The following TRPM6 variants were observed in gnomAD, a reference collection of about 807,000 sequenced individuals.
TRPM6 encodes transient receptor potential cation channel subfamily M member 6.
In TRPM6, 111 loss-of-function variants were observed where a neutral mutation model predicts 247.6. That is an observed-to-expected ratio of 0.45 (90% CI 0.38 to 0.52). TRPM6 has a LOEUF of 0.52. TRPM6 is among the 20% of genes least tolerant of loss of function. TRPM6 has a pLI of 0.00. For missense variants in TRPM6, 2,126 were observed against 2,421.5 expected, an observed-to-expected ratio of 0.88 and a Z score of 2.56; for synonymous variants, 892 against 853.8, an observed-to-expected ratio of 1.04 and a Z score of -0.78.
At chr9:74,785,424 T>G (rs1207876233) in intron 21 of TRPM6, among the ~76,000 whole-genome samples, 1 of 152,198 alleles carries the variant, frequency 6.6e-6, no homozygotes, top group Non-Finnish European at 1.5e-5. Flanking sequence ...AATACCCCAT[T>G]TACCCTGATG....
At chr9:74,724,838 CAG>C in intron 38 of TRPM6, 92 bp from the exon 39 acceptor site, 1 of 1,502,838 alleles carries the variant, frequency 6.7e-7, no homozygotes, top group Non-Finnish European at 9.2e-7. Flanking sequence ...GCCAAGTGTT[CAG>C]AGAGATCTCC....
At chr9:74,864,857 A>G (rs983714111) in intron 1 of TRPM6, among the ~76,000 whole-genome samples, 2 of 152,090 alleles carry the variant, frequency 1.3e-5, no homozygotes, top group African/African-American at 4.8e-5. Context: ...GGATCACCTG[A>G]GGTCAGGAGT....
intron 25 of TRPM6, among the ~76,000 whole-genome samples, chr9:74,765,045 G>A (rs1341129435): frequency 6.6e-6 from 1 of 152,064 alleles, no homozygotes; most frequent in African/African-American, 2.4e-5. Flanking sequence ...ACAACTCAGT[G>A]GTAGCAAGGA....
intron 7 of TRPM6, 197 bp downstream of exon 7, chr9:74,827,581 T>C: frequency 1.4e-6 from 1 of 692,448 alleles, no homozygotes; most frequent in East Asian, 2.7e-5. Flanking sequence ...TAGTGGATCC[T>C]CGAAGTGTCA....
intron 13 of TRPM6, among the ~76,000 whole-genome samples, chr9:74,809,782 C>A (rs1346717594): frequency 6.6e-6 from 1 of 151,912 alleles, no homozygotes; most frequent in Admixed American, 6.6e-5. Context: ...AGTTCGAGAC[C>A]AGCCTGGCCA....
intron 17 of TRPM6, chr9:74,799,810 C>G (rs1828247016): frequency 5.2e-6 from 1 of 192,406 alleles, no homozygotes; most frequent in East Asian, 1.3e-4. Context: ...CAAAAGGAAA[C>G]TGTGGCCATG....
intron 11 of TRPM6, among the ~76,000 whole-genome samples, chr9:74,814,426 C>T (rs1343587287): frequency 6.6e-6 from 1 of 151,958 alleles, no homozygotes; most frequent in East Asian, 1.9e-4. Context: ...TTTAATTGTA[C>T]ATTTTAAAAT....
At chr9:74,741,688 G>A (rs1825869379) in intron 33 of TRPM6, among the ~76,000 whole-genome samples, 1 of 151,892 alleles carries the variant, frequency 6.6e-6, no homozygotes, top group Non-Finnish European at 1.5e-5. Flanking sequence ...TTAGGAGTTT[G>A]AGACCAGCCT....
Position 74,802,175 on chromosome 9 carries a change from C to T in TRPM6, c.1732G>A (p.Glu578Lys). 1.2e-6 allele frequency: 2 copies of T among 1,613,484 alleles called. No individual in the cohort carries two copies. Among genetic ancestry groups the T allele is most frequent in the Non-Finnish European group, 1.7e-6 (2 of 1,179,598 alleles). The stretch of plus-strand genomic sequence containing the variant: ...GATTTATGAAGGACTATAGACTTTT[C>T]CTGTTGGAAAATAAAATAGGAATGA... ...IRTAQPYKFK[E>K]KSIVLHKSRK... is the part of the protein sequence containing the mutation. Residue 578 changes from glutamate to lysine, a missense_variant and splice_region_variant, in exon 16 of 39, where the codon GAA (glutamate) becomes AAA (lysine). Coordinates refer to ENST00000360774, the MANE Select transcript of TRPM6 (RefSeq NM_017662.5).
chr9:74,793,814 A>G (rs1442643677), intron 18 of TRPM6, among the ~76,000 whole-genome samples: 2 of 151,940 alleles, frequency 1.3e-5, no homozygotes, highest in African/African-American at 4.9e-5. Context: ...TGTGTTGTAC[A>G]TGCATTTTTC....
At chr9:74,788,945 A>G (rs1490661838) in intron 19 of TRPM6, among the ~76,000 whole-genome samples, 3 of 152,216 alleles carry the variant, frequency 2.0e-5, no homozygotes. Context: ...ATTTAGAGGC[A>G]GGAATGAAAT....
chr9:74,858,192 T>C (rs113529305), intron 2 of TRPM6, among the ~76,000 whole-genome samples: 1 of 152,124 alleles, frequency 6.6e-6, no homozygotes, highest in African/African-American at 2.4e-5. Context: ...ATTGAGACCA[T>C]CCTGGCTAAC....
At chr9:74,853,880 A>T (rs1221460717) in intron 3 of TRPM6, among the ~76,000 whole-genome samples, 2 of 152,244 alleles carry the variant, frequency 1.3e-5, no homozygotes, top group African/African-American at 4.8e-5. Flanking sequence ...AAAATAAAAT[A>T]AAATAAATGC....
chr9:74,812,562 T>TA, intron 11 of TRPM6, 129 bp from the exon 12 acceptor site: 1 of 873,370 alleles, frequency 1.1e-6, no homozygotes, highest in South Asian at 1.6e-5. Context: ...CATCAGTGGG[T>TA]ACAGAAAAAA....
chr9:74,855,418 A>G, intron 3 of TRPM6, 109 bp downstream of exon 3: 3 of 827,596 alleles, frequency 3.6e-6, no homozygotes, highest in Non-Finnish European at 4.3e-6. Flanking sequence ...GGAAAGGTAA[A>G]TGGCATGCAC....
At chr9:74,805,887 A>G (rs1403980328) in intron 14 of TRPM6, among the ~76,000 whole-genome samples, 2 of 152,224 alleles carry the variant, frequency 1.3e-5, no homozygotes. Context: ...AGACCAGTTC[A>G]GAAAAGCTGG....
chr9:74,740,915 T>C (rs1825844262), intron 33 of TRPM6, among the ~76,000 whole-genome samples: 1 of 152,196 alleles, frequency 6.6e-6, no homozygotes, highest in South Asian at 2.1e-4. Context: ...ATGCATGGTT[T>C]AACTCAGCTG....
At chr9:74,880,266 A>G (rs1831321665) in intron 1 of TRPM6, among the ~76,000 whole-genome samples, 1 of 152,180 alleles carries the variant, frequency 6.6e-6, no homozygotes, top group South Asian at 2.1e-4. Flanking sequence ...AACAAAAGGA[A>G]CAGAAAACCT....
At position 74,723,486 on chromosome 9, in the gene TRPM6, A is replaced by G. The variant is rs193232981; in HGVS notation, c.*1127T>C. On this transcript the variant is annotated 3_prime_UTR_variant, in exon 39 of 39. Coordinates refer to ENST00000360774, the MANE Select transcript of TRPM6 (RefSeq NM_017662.5). ...CTTTCTTAATGATTTCCAGTTCTTC[A>G]TATTCTTGTTCTCGTTTAAAAAAAA... The G allele has an allele frequency of 6.8e-6, 1 of 147,858 alleles. No individual in the cohort carries two copies. Among genetic ancestry groups the G allele is most frequent in the African/African-American group, 2.5e-5 (1 of 39,808 alleles). 9.2% of individuals were successfully genotyped at this position (147,858 alleles called of 1,614,324 possible).
Sources: gnomAD v4.1 joint callset for allele counts (sites outside exome capture counted in the v4.1 genomes callset) on GRCh38, gnomAD v4.1.1 for gene constraint, MANE v1.5 for transcripts, NCBI Gene and HGNC (gene_info 2026-07-23, HGNC 2026-07-21) for gene names.